Variants in CHL1 observed in about 807,000 individuals in gnomAD.
CHL1 encodes neural cell adhesion molecule L1-like protein.
Under a neutral mutation model 141.9 loss-of-function variants are expected in CHL1, and 96 were observed. The observed-to-expected ratio is 0.68, with a 90% CI of 0.57 to 0.80. The LOEUF (loss-of-function observed/expected upper bound fraction) is 0.80, where lower values mean the gene tolerates loss of function less well. Among genes scored for constraint, CHL1 ranks in the 30% least tolerant of loss-of-function variants. The pLI is 0.00. For missense variants in CHL1, 1,820 were observed against 1,457.2 expected (o/e 1.25, Z -4.05); for synonymous variants, 613 against 502.2 (o/e 1.22, Z -2.95).
At chr3:231,483 T>C (rs1701844564) in intron 1 of CHL1, among the ~76,000 whole-genome samples, 1 of 152,164 alleles carries the variant, frequency 6.6e-6, no homozygotes, top group Non-Finnish European at 1.5e-5. Context: ...ATTAACTATA[T>C]TTTCTGCTAA....
At chr3:362,504 T>G (rs766011592) in intron 13 of CHL1, among the ~76,000 whole-genome samples, 23 of 152,176 alleles carry the variant, frequency 1.5e-4, no homozygotes, top group Non-Finnish European at 3.1e-4. Flanking sequence ...ATTATTTACC[T>G]TGCTTACTGA....
chr3:383,773 T>G (rs1180457553), intron 18 of CHL1, 43 bp from the exon 19 acceptor site: 1 of 1,447,500 alleles, frequency 6.9e-7, no homozygotes, highest in East Asian at 2.3e-5. Flanking sequence ...GACTTACCTA[T>G]GGGTTAAAAG....
intron 2 of CHL1, among the ~76,000 whole-genome samples, chr3:257,698 T>C (rs1002835840): frequency 1.3e-5 from 2 of 152,160 alleles, no homozygotes; most frequent in African/African-American, 4.8e-5. Context: ...GAGATTCAGC[T>C]TGCCACAGGT....
intron 2 of CHL1, among the ~76,000 whole-genome samples, chr3:270,271 A>G (rs1695524995): frequency 6.6e-6 from 1 of 152,232 alleles, no homozygotes; most frequent in Non-Finnish European, 1.5e-5. Context: ...GAAGAAAAAA[A>G]ATGGAAATAT....
At chr3:363,545 A>C in intron 14 of CHL1, 162 bp downstream of exon 14, 1 of 629,398 alleles carries the variant, frequency 1.6e-6, no homozygotes, top group Non-Finnish European at 2.7e-6. Context: ...AGATTATTGC[A>C]AGAACTACAG....
At position 341,939 on chromosome 3, in the gene CHL1, G is replaced by T. The variant is rs1162204356; in HGVS notation, c.536G>T (p.Arg179Ile). 1 of 1,611,050 alleles carries T rather than the reference G, an allele frequency of 6.2e-7. No homozygotes were observed. The change falls in exon 7 of 28, where the codon AGA (arginine) becomes ATA (isoleucine). Residue 179 changes from arginine to isoleucine, a missense_variant. Transcript: ENST00000256509. ...TTAGAACACATCGAACAAGATGAAA[G>T]AGTATACATGAGCCAAAAGGGAGAT... Reference protein sequence around the residue: ...IELEHIEQDERVYMSQKGDLY... With the variant: ...IELEHIEQDEIVYMSQKGDLY...
chr3:281,159 A>T (rs959554051), intron 2 of CHL1, among the ~76,000 whole-genome samples: 2 of 152,178 alleles, frequency 1.3e-5, no homozygotes, highest in Non-Finnish European at 2.9e-5. Flanking sequence ...ACAACAAGGA[A>T]TTATTCAGTT....
At chr3:302,026 G>C (rs749953092) in intron 2 of CHL1, among the ~76,000 whole-genome samples, 1 of 152,176 alleles carries the variant, frequency 6.6e-6, no homozygotes, top group Admixed American at 6.6e-5. Context: ...GTGATAGCTT[G>C]CTGAGAATGA....
intron 3 of CHL1, 92 bp from the exon 4 acceptor site, chr3:325,867 G>A: frequency 1.4e-6 from 1 of 728,764 alleles, no homozygotes; most frequent in Non-Finnish European, 2.3e-6. Flanking sequence ...TCACTTATCA[G>A]TATACAAAAG....
chr3:362,652 C>G (rs532502294), intron 13 of CHL1, among the ~76,000 whole-genome samples: 2 of 151,846 alleles, frequency 1.3e-5, no homozygotes, highest in East Asian at 3.9e-4. Flanking sequence ...CAAGCAGTCG[C>G]TTATTGTCAA....
chr3:236,716 GTCTA>G, intron 1 of CHL1, among the ~76,000 whole-genome samples: 1 of 151,636 alleles, frequency 6.6e-6, no homozygotes, highest in South Asian at 2.1e-4. Flanking sequence ...TTTTATTTCA[GTCTA>G]TCTATTCTTT....
chr3:378,833 C>G (rs560773583), intron 16 of CHL1, among the ~76,000 whole-genome samples: 2 of 152,292 alleles, frequency 1.3e-5, no homozygotes, highest in East Asian at 1.9e-4. Flanking sequence ...TTTCAAGTCT[C>G]TCTCACACCC....
intron 23 of CHL1, among the ~76,000 whole-genome samples, chr3:394,231 TTAAA>T (rs1175448223): frequency 2.0e-5 from 3 of 152,202 alleles, no homozygotes; most frequent in Non-Finnish European, 4.4e-5. Flanking sequence ...GTGCCACATG[TTAAA>T]CTAGAAACCA....
In CHL1 at chr3:342,008, A is replaced by G. The variant is rs760759679; in HGVS notation, c.605A>G (p.Tyr202Cys). The change falls in exon 7 of 28, where the codon TAC becomes TGC. Residue 202 changes from tyrosine (Y) to cysteine (C), a missense_variant. Physicochemically the swap from Tyr to Cys is radical, Grantham distance 194 (BLOSUM62 -2). Coordinates refer to ENST00000256509, the MANE Select transcript of CHL1 (RefSeq NM_006614.4). ...NVEEKDSRNDYCCFAAFPRLR... is the reference protein window; with the variant it reads ...NVEEKDSRNDCCCFAAFPRLR... ...GAAGAAAAGGACAGTCGCAATGACT[A>G]CTGTTGCTTTGCTGCATTTCCAAGA... 6.2e-7 allele frequency: 1 copy of G among 1,613,614 alleles called. No individual in the cohort carries two copies.
intron 2 of CHL1, among the ~76,000 whole-genome samples, chr3:304,056 TG>T (rs1457478261): frequency 6.6e-6 from 1 of 152,214 alleles, no homozygotes. Flanking sequence ...GAACCAGCCT[TG>T]CATCCCAGGT....
intron 2 of CHL1, among the ~76,000 whole-genome samples, chr3:289,151 A>T (rs1008764616): frequency 6.6e-6 from 1 of 152,168 alleles, no homozygotes; most frequent in Admixed American, 6.5e-5. Context: ...TACTCCTTTA[A>T]TGTAACAACT....
At chr3:395,474 C>G (rs1366255430) in intron 24 of CHL1, among the ~76,000 whole-genome samples, 1 of 152,102 alleles carries the variant, frequency 6.6e-6, no homozygotes, top group African/African-American at 2.4e-5. Flanking sequence ...AATTGCATCT[C>G]CAGTTATGAT....
chr3:259,689 GGC>G (rs1559349197), intron 2 of CHL1, among the ~76,000 whole-genome samples: 10 of 151,994 alleles, frequency 6.6e-5, no homozygotes, highest in Non-Finnish European at 1.5e-4. Context: ...TGTATTACAA[GGC>G]TTCATGAAAG....
chr3:328,862 T>C (rs1291705267), intron 5 of CHL1, among the ~76,000 whole-genome samples: 2 of 152,140 alleles, frequency 1.3e-5, no homozygotes, highest in Non-Finnish European at 2.9e-5. Flanking sequence ...GTACACTGGC[T>C]CTTAAATGCT....
Sources: allele counts gnomAD v4.1 joint callset (sites outside exome capture counted in the v4.1 genomes callset), GRCh38; gene constraint gnomAD v4.1.1; transcripts MANE v1.5; gene names NCBI Gene and HGNC (gene_info 2026-07-23, HGNC 2026-07-21).